The following CHRDL1 variants were observed in gnomAD, a reference collection of about 807,000 sequenced individuals.
The protein encoded by CHRDL1 is chordin like 1, also known as chordin-like protein 1.
Under a neutral mutation model 40.9 loss-of-function variants are expected in CHRDL1, and 19 were observed. That is an observed-to-expected ratio of 0.46 (90% CI 0.32 to 0.68). CHRDL1 has a LOEUF of 0.68. CHRDL1 is among the 30% of genes least tolerant of loss of function. CHRDL1 has a pLI of 0.03. For missense variants in CHRDL1, 329 were observed against 352.1 expected (o/e 0.93, Z 0.53); for synonymous variants, 136 against 123.4 (o/e 1.10, Z -0.68).
intron 2 of CHRDL1, among the ~76,000 whole-genome samples, chrX:110,778,402 T>C (rs2089886875): frequency 9.0e-6 from 1 of 111,576 alleles, no homozygotes; most frequent in Non-Finnish European, 1.9e-5. Context: ...TTAAACAAAC[T>C]TATAAGCAAA....
chrX:110,780,848 T>G (rs1467951491), intron 2 of CHRDL1, among the ~76,000 whole-genome samples: 2 of 111,161 alleles, frequency 1.8e-5, no homozygotes, highest in East Asian at 5.6e-4. Context: ...TAGTAACAAT[T>G]TTTATTTCCC....
rs984284081 is a variant in CHRDL1, at chrX:110,744,366, C to A, written c.301+15295G>T. Among the ~76,000 whole-genome samples, 51 of 111,332 alleles carry A rather than the reference C, an allele frequency of 4.6e-4. 2 individuals carry two copies. Among genetic ancestry groups the A allele is most frequent in the African/African-American group, 1.4e-3 (43 of 30,578 alleles). ...TTTCCCCCTTTTTGCTTCTTCCTTC[C>A]TTCTCTGGCTAGTACTTTTGTTCCC... On this transcript the variant is annotated intron_variant, in intron 4 of 11. Transcript: ENST00000372042.
intron 7 of CHRDL1, among the ~76,000 whole-genome samples, chrX:110,700,227 G>A (rs959123468): frequency 9.0e-6 from 1 of 111,642 alleles, no homozygotes; most frequent in Non-Finnish European, 1.9e-5. Context: ...GTATGACTGA[G>A]AGCCTAAGGC....
At chrX:110,730,371 A>C (rs191321649) in intron 4 of CHRDL1, among the ~76,000 whole-genome samples, 2 of 110,556 alleles carry the variant, frequency 1.8e-5, no homozygotes, top group Non-Finnish European at 3.8e-5. Flanking sequence ...CAGTGGGAAG[A>C]CCGTCAGGTG....
rs1179915816 is a variant in CHRDL1, at chrX:110,675,490, G to T, written c.*741C>A. The T allele has an allele frequency of 9.0e-6, 1 of 111,318 alleles. No homozygotes were observed. Among genetic ancestry groups the T allele is most frequent in the Non-Finnish European group, 1.9e-5 (1 of 53,086 alleles). 9.2% of individuals were successfully genotyped at this position (111,318 alleles called of 1,213,427 possible). On this transcript the variant is annotated 3_prime_UTR_variant, in exon 12 of 12. Coordinates refer to ENST00000372042, the MANE Select transcript of CHRDL1 (RefSeq NM_001143981.2). ...TGAAAGTGTTTTTATTCTTTACCCT[G>T]ACTCTATTGTTGGTGACTTAAACAG...
At chrX:110,759,597 T>A in intron 4 of CHRDL1, 64 bp downstream of exon 4, 1 of 781,893 alleles carries the variant, frequency 1.3e-6, no homozygotes, top group Non-Finnish European at 2.0e-6. Flanking sequence ...TGGAGATGAG[T>A]TGAGTTGGGT....
At chrX:110,685,114 G>T (rs2069979594) in intron 9 of CHRDL1, among the ~76,000 whole-genome samples, 1 of 112,063 alleles carries the variant, frequency 8.9e-6, no homozygotes, top group African/African-American at 3.2e-5. Context: ...ATTTACTATA[G>T]AAAATTTGGA....
In CHRDL1 at chrX:110,679,573, T is replaced by C; in HGVS notation, c.1157-148A>G. 4 of 458,222 alleles carry C rather than the reference T, an allele frequency of 8.7e-6. No individual in the cohort carries two copies. The South Asian group carries it at 1.3e-4, about 15-fold the overall frequency. The allele number at this position is 458,222 out of a possible 1,213,427, so 37.8% of individuals were successfully genotyped here. Reference sequence around the variant, plus strand: ...CTGTGTAATGTGCTTAACCAGGAACTTGGATGGCTCAAGGGTTATAATTGA... The same window carrying C: ...CTGTGTAATGTGCTTAACCAGGAACCTGGATGGCTCAAGGGTTATAATTGA... On this transcript the variant is annotated intron_variant, in intron 10 of 11. Transcript: ENST00000372042.
intron 4 of CHRDL1, among the ~76,000 whole-genome samples, chrX:110,752,977 G>A (rs1245080754): frequency 9.1e-6 from 1 of 110,168 alleles, no homozygotes; most frequent in Non-Finnish European, 1.9e-5. Context: ...AAGAAGATGG[G>A]GCAACCTTAA....
intron 7 of CHRDL1, 82 bp from the exon 8 acceptor site, chrX:110,694,413 A>G: frequency 2.6e-6 from 2 of 757,681 alleles, no homozygotes; most frequent in African/African-American, 2.1e-5. Flanking sequence ...AAGTCATTCA[A>G]TAATTTTGAT....
intron 4 of CHRDL1, among the ~76,000 whole-genome samples, chrX:110,754,905 C>G (rs1337862704): frequency 2.7e-5 from 3 of 110,119 alleles, no homozygotes; most frequent in Non-Finnish European, 5.7e-5. Context: ...GACTCCTGAT[C>G]ACTATAAAAT....
intron 4 of CHRDL1, among the ~76,000 whole-genome samples, chrX:110,730,267 T>G (rs1300117205): frequency 8.9e-6 from 1 of 111,835 alleles, no homozygotes; most frequent in Non-Finnish European, 1.9e-5. Flanking sequence ...TCCCAAGTGG[T>G]AACTAGAGAT....
In CHRDL1 at chrX:110,777,707, G is replaced by A. The variant is rs2089874448; in HGVS notation, c.94+14381C>T. Among the ~76,000 whole-genome samples, 2 of 111,701 alleles carry A rather than the reference G, an allele frequency of 1.8e-5. 1 individual carries two copies. On this transcript the variant is annotated intron_variant, in intron 2 of 11. Transcript: ENST00000372042. Reference sequence around the variant, plus strand: ...TCCATTTTTAAATAGAGCTGTTTGTGTTCTTATTGTTGAGTTTGAAGAGTT... The same window carrying A: ...TCCATTTTTAAATAGAGCTGTTTGTATTCTTATTGTTGAGTTTGAAGAGTT...
intron 4 of CHRDL1, among the ~76,000 whole-genome samples, chrX:110,753,057 T>G (rs1292441102): frequency 8.9e-6 from 1 of 111,840 alleles, no homozygotes; most frequent in Non-Finnish European, 1.9e-5. Flanking sequence ...CACTCCTAGG[T>G]ATATACAAAA....
chrX:110,704,987 G>C (rs2070594232), intron 6 of CHRDL1, among the ~76,000 whole-genome samples: 1 of 110,468 alleles, frequency 9.1e-6, no homozygotes, highest in South Asian at 3.8e-4. Context: ...GAAAAGTTCA[G>C]TTTATTTAAT....
At chrX:110,748,267 T>C (rs2089294192) in intron 4 of CHRDL1, among the ~76,000 whole-genome samples, 1 of 111,986 alleles carries the variant, frequency 8.9e-6, no homozygotes, top group South Asian at 3.7e-4. Context: ...ACAATTTCCC[T>C]CAGAAAGCAA....
chrX:110,726,654 T>C (rs2071063786), intron 4 of CHRDL1, among the ~76,000 whole-genome samples: 1 of 112,089 alleles, frequency 8.9e-6, no homozygotes, highest in African/African-American at 3.2e-5. Flanking sequence ...CAGCGATAAT[T>C]AATTTTAAAA....
chrX:110,705,354 T>C lies in CHRDL1; in HGVS notation c.542-4633A>G, dbSNP rs770339055. ...ACATATATATACACATATATATATA[T>C]ACACACACACATATATATATACACA... On this transcript the variant is annotated intron_variant, in intron 6 of 11. Transcript: ENST00000372042. Among the ~76,000 whole-genome samples the C allele has an allele frequency of 3.6e-3, 292 of 80,338 alleles. 4 individuals are homozygous for C. The highest frequency in any genetic ancestry group is 0.02 in the African/African-American group (259 of 12,885). 69.8% of individuals were successfully genotyped at this position (80,338 alleles called of 115,157 possible).
chrX:110,732,367 C>T (rs748250859), intron 4 of CHRDL1, among the ~76,000 whole-genome samples: 23 of 111,576 alleles, frequency 2.1e-4, no homozygotes, highest in African/African-American at 6.5e-4. Flanking sequence ...CTTGGCCCAA[C>T]CCCCAGTGAG....
Sources: allele counts gnomAD v4.1 joint callset (sites outside exome capture counted in the v4.1 genomes callset), GRCh38; gene constraint gnomAD v4.1.1; transcripts MANE v1.5; gene names NCBI Gene and HGNC (gene_info 2026-07-23, HGNC 2026-07-21).